SGMS1: variants seen among roughly 807,000 people sequenced by gnomAD.
The protein encoded by SGMS1 is phosphatidylcholine:ceramide cholinephosphotransferase 1.
SGMS1 carries 13 observed loss-of-function variants against 46.2 expected under a neutral mutation model. The ratio of observed to expected loss-of-function variants is 0.28; its 90% confidence interval spans 0.18 to 0.45. SGMS1 has a LOEUF of 0.45. SGMS1 is among the 20% of genes least tolerant of loss of function. The pLI is 1.00. For missense variants in SGMS1, 324 were observed against 519.9 expected, an observed-to-expected ratio of 0.62 and a Z score of 3.66; for synonymous variants, 203 against 187.8, an observed-to-expected ratio of 1.08 and a Z score of -0.66.
At chr10:50,567,429 A>C (rs1272371503) in intron 2 of SGMS1, among the ~76,000 whole-genome samples, 2 of 152,208 alleles carry the variant, frequency 1.3e-5, no homozygotes, top group African/African-American at 4.8e-5. Context: ...ACCCACAGAC[A>C]GGTTTGGTTA....
At chr10:50,447,816 T>C (rs1232927015) in intron 5 of SGMS1, among the ~76,000 whole-genome samples, 1 of 152,218 alleles carries the variant, frequency 6.6e-6, no homozygotes, top group Non-Finnish European at 1.5e-5. Flanking sequence ...GGTTATTTAC[T>C]GGAGTCATCA....
intron 1 of SGMS1, 114 bp downstream of exon 1, chr10:50,623,593 G>A: frequency 1.0e-6 from 1 of 985,200 alleles, no homozygotes; most frequent in Non-Finnish European, 1.2e-6. Context: ...ACGCCCCCTC[G>A]CCCCAGAGCA....
At chr10:50,374,552 T>C (rs1465889971) in intron 6 of SGMS1, among the ~76,000 whole-genome samples, 1 of 152,058 alleles carries the variant, frequency 6.6e-6, no homozygotes, top group Non-Finnish European at 1.5e-5. Flanking sequence ...CTTGCCTCTT[T>C]AAAATCACTT....
At chr10:50,570,635 A>T (rs1196550224) in intron 2 of SGMS1, among the ~76,000 whole-genome samples, 1 of 152,200 alleles carries the variant, frequency 6.6e-6, no homozygotes, top group African/African-American at 2.4e-5. Flanking sequence ...ATTCTCTGCT[A>T]TTTAAAAAAA....
chr10:50,545,837 A>G (rs576532832), intron 2 of SGMS1, among the ~76,000 whole-genome samples: 1 of 152,260 alleles, frequency 6.6e-6, no homozygotes, highest in African/African-American at 2.4e-5. Context: ...TGGGGTATTT[A>G]TGGAGCTTAA....
intron 1 of SGMS1, among the ~76,000 whole-genome samples, chr10:50,607,212 G>A (rs191391271): frequency 7.3e-4 from 110 of 150,844 alleles, no homozygotes; most frequent in Non-Finnish European, 4.4e-5. Context: ...CAAACTCCTG[G>A]GCTCAAACGA....
At chr10:50,489,433 G>A (rs1187234449) in intron 3 of SGMS1, among the ~76,000 whole-genome samples, 2 of 152,108 alleles carry the variant, frequency 1.3e-5, no homozygotes, top group East Asian at 3.9e-4. Context: ...TATTCGACCT[G>A]CTTCTTAACC....
chr10:50,365,530 A>G (rs1848325644), intron 6 of SGMS1, among the ~76,000 whole-genome samples: 1 of 151,998 alleles, frequency 6.6e-6, no homozygotes, highest in East Asian at 1.9e-4. Context: ...CCCATCATCT[A>G]GGTTTTAAGT....
chr10:50,413,833 G>C (rs1849133003), intron 6 of SGMS1, among the ~76,000 whole-genome samples: 1 of 152,206 alleles, frequency 6.6e-6, no homozygotes, highest in African/African-American at 2.4e-5. Context: ...GTTTAGTGAA[G>C]ATTTCTCATA....
chr10:50,553,505 AC>A (rs1364508146), intron 2 of SGMS1, among the ~76,000 whole-genome samples: 1 of 43,718 alleles, frequency 2.3e-5, no homozygotes, highest in East Asian at 0.022. Context: ...GATTTTTAAG[AC>A]AAAAAAATCT....
intron 3 of SGMS1, among the ~76,000 whole-genome samples, chr10:50,498,431 G>C (rs1837634449): frequency 6.6e-6 from 1 of 152,112 alleles, no homozygotes; most frequent in African/African-American, 2.4e-5. Context: ...TTTCCAGAGT[G>C]TTTTCAACAT....
chr10:50,624,071 G>C (rs749416426), upstream of SGMS1: 1 of 985,288 alleles, frequency 1.0e-6, no homozygotes, highest in Non-Finnish European at 1.2e-6. Context: ...GGGGTCCGCG[G>C]GGGGCTCCTC....
At chr10:50,416,668 C>G (rs73332914) in intron 6 of SGMS1, among the ~76,000 whole-genome samples, 1,563 of 152,268 alleles carry the variant, frequency 0.01, 25 homozygotes, top group African/African-American at 0.036. Flanking sequence ...ACCTTTTACA[C>G]AGAGCCATTT....
chr10:50,312,086 G>A (rs151011819), intron 8 of SGMS1, among the ~76,000 whole-genome samples: 17 of 152,150 alleles, frequency 1.1e-4, no homozygotes, highest in South Asian at 6.2e-4. Flanking sequence ...TTATTTGCTC[G>A]GTCAAGTAAA....
chr10:50,343,890 T>C lies in SGMS1; in HGVS notation c.225A>G (p.Ala75=). Residue 75 remains alanine, a synonymous_variant, in exon 7 of 11, where the codon GCA becomes GCG. Coordinates refer to ENST00000361781, the MANE Select transcript of SGMS1 (RefSeq NM_147156.4). ...GCCCATTGGCATGGCCGTTCTTGTG[T>C]GCTTCCAAATGGTGCTCCATTTTCA... ...ETLKMEHHLE[A]HKNGHANGHL... The C allele has an allele frequency of 6.2e-7, 1 of 1,614,116 alleles. No individual in the cohort carries two copies. The highest frequency in any genetic ancestry group is 1.7e-5 in the Admixed American group (1 of 60,028).
chr10:50,419,869 A>G (rs1223159655), intron 6 of SGMS1, among the ~76,000 whole-genome samples: 2 of 152,226 alleles, frequency 1.3e-5, no homozygotes, highest in African/African-American at 4.8e-5. Flanking sequence ...TCTTGAAAAT[A>G]CTCATTAGCC....
At chr10:50,371,536 T>A (rs1468993605) in intron 6 of SGMS1, among the ~76,000 whole-genome samples, 1 of 152,154 alleles carries the variant, frequency 6.6e-6, no homozygotes, top group Non-Finnish European at 1.5e-5. Flanking sequence ...TATGGTGGAG[T>A]TCTACAACTG....
At chr10:50,555,673 CCA>C (rs1308305617) in intron 2 of SGMS1, among the ~76,000 whole-genome samples, 7 of 152,308 alleles carry the variant, frequency 4.6e-5, no homozygotes, top group African/African-American at 1.7e-4. Flanking sequence ...TTCAGAAACT[CCA>C]GTTTAGCTCC....
chr10:50,448,388 C>T (rs1281816955), intron 5 of SGMS1, among the ~76,000 whole-genome samples: 6 of 152,038 alleles, frequency 3.9e-5, no homozygotes, highest in African/African-American at 1.4e-4. Flanking sequence ...TATTGTGATA[C>T]CATATACAGC....
Sources: allele counts gnomAD v4.1 joint callset (sites outside exome capture counted in the v4.1 genomes callset), GRCh38; gene constraint gnomAD v4.1.1; transcripts MANE v1.5; gene names NCBI Gene and HGNC (gene_info 2026-07-23, HGNC 2026-07-21).